The following NCKAP5 variants were observed in gnomAD, a reference collection of about 807,000 sequenced individuals.
NCKAP5 encodes the protein nck-associated protein 5.
In NCKAP5, 92 loss-of-function variants were observed where a neutral mutation model predicts 167.0. The observed-to-expected ratio is 0.55, with a 90% confidence interval of 0.47 to 0.66. The LOEUF is 0.66. Ranked by LOEUF, NCKAP5 falls within the 30% of genes least tolerant of loss-of-function variation. The probability of loss-of-function intolerance (pLI) is 0.00; values close to 1 mark genes in which losing one functional copy is unlikely to be tolerated. For synonymous variants in NCKAP5, 891 were observed against 877.4 expected, an observed-to-expected ratio of 1.02 and a Z score of -0.27; for missense variants, 2,378 against 2,315.0, an observed-to-expected ratio of 1.03 and a Z score of -0.56.
chr2:133,033,281 G>C (rs914292299), intron 6 of NCKAP5, among the ~76,000 whole-genome samples: 2 of 152,242 alleles, frequency 1.3e-5, no homozygotes, highest in African/African-American at 4.8e-5. Flanking sequence ...CTATGAGTCT[G>C]CAAGAACCAC....
At chr2:133,098,567 C>T (rs1477540673) in intron 6 of NCKAP5, among the ~76,000 whole-genome samples, 1 of 151,958 alleles carries the variant, frequency 6.6e-6, no homozygotes. Flanking sequence ...ACAAATATTC[C>T]TTCAAAGATC....
intron 11 of NCKAP5, among the ~76,000 whole-genome samples, chr2:132,843,179 G>A (rs1003033007): frequency 8.5e-5 from 13 of 152,160 alleles, no homozygotes; most frequent in African/African-American, 2.7e-4. Flanking sequence ...CCTTATTGAA[G>A]CAAAGCAGTG....
Position 133,027,471 on chromosome 2 carries a change from C to T in NCKAP5, c.342-33232G>A, listed in dbSNP as rs2196671. Among the ~76,000 whole-genome samples, 747 of 152,228 alleles carry T rather than the reference C, an allele frequency of 4.9e-3. 1 individual carries two copies. Among genetic ancestry groups the T allele is most frequent in the Middle Eastern group, 0.014 (4 of 292 alleles). ...TTCTCCCCAATAATTAGATGAAGCA[C>T]GTGAGACAGGCAGGTCAAGTGACTA... On this transcript the variant is annotated intron_variant, in intron 6 of 19. Transcript: ENST00000409261.
At chr2:132,829,083 AAAC>A (rs907413842) in intron 11 of NCKAP5, among the ~76,000 whole-genome samples, 2 of 152,242 alleles carry the variant, frequency 1.3e-5, no homozygotes, top group African/African-American at 4.8e-5. Flanking sequence ...ACAATAATAA[AAAC>A]AACGACAATG....
At chr2:133,652,324 T>C in the NCKAP5 span, among the ~76,000 whole-genome samples, 1 of 152,330 alleles carries the variant, frequency 6.6e-6, no homozygotes, top group East Asian at 1.9e-4. Context: ...TGTAGTGTGT[T>C]GAGTTAGATA....
At chr2:132,770,709 T>C (rs1268690392) in intron 16 of NCKAP5, among the ~76,000 whole-genome samples, 6 of 152,132 alleles carry the variant, frequency 3.9e-5, no homozygotes, top group Non-Finnish European at 5.9e-5. Context: ...AGAACACATA[T>C]GTTTGTGTGA....
At chr2:133,062,386 T>C (rs1354762262) in intron 6 of NCKAP5, among the ~76,000 whole-genome samples, 3 of 152,232 alleles carry the variant, frequency 2.0e-5, no homozygotes, top group Admixed American at 2.0e-4. Context: ...TTTAAGTGTA[T>C]TATGCAGATT....
At chr2:133,566,661 A>T (rs1688575647) in intron 1 of NCKAP5, among the ~76,000 whole-genome samples, 1 of 152,232 alleles carries the variant, frequency 6.6e-6, no homozygotes, top group Non-Finnish European at 1.5e-5. Flanking sequence ...CACATGCTGG[A>T]ATGAACACAG....
At chr2:132,892,531 T>C (rs1441876193) in intron 8 of NCKAP5, among the ~76,000 whole-genome samples, 1 of 152,162 alleles carries the variant, frequency 6.6e-6, no homozygotes, top group Non-Finnish European at 1.5e-5. Context: ...AGAAATTTCA[T>C]GGAGCTAAAA....
intron 6 of NCKAP5, among the ~76,000 whole-genome samples, chr2:133,065,115 C>T (rs1001467265): frequency 6.6e-6 from 1 of 152,176 alleles, no homozygotes; most frequent in Non-Finnish European, 1.5e-5. Flanking sequence ...CTCCTCTCCT[C>T]TCTAGCCACC....
At chr2:133,443,926 G>C (rs1408254745) in intron 3 of NCKAP5, among the ~76,000 whole-genome samples, 1 of 152,066 alleles carries the variant, frequency 6.6e-6, no homozygotes, top group Non-Finnish European at 1.5e-5. Flanking sequence ...TCCTGCCCAG[G>C]GCAACTGGCT....
intron 11 of NCKAP5, among the ~76,000 whole-genome samples, chr2:132,856,777 C>T (rs1212006259): frequency 1.3e-5 from 2 of 152,078 alleles, no homozygotes; most frequent in Non-Finnish European, 2.9e-5. Context: ...TGACTCAATC[C>T]TAGGTGAGCC....
chr2:132,680,547 T>A (rs1214752907), intron 19 of NCKAP5, among the ~76,000 whole-genome samples: 1 of 151,986 alleles, frequency 6.6e-6, no homozygotes, highest in Non-Finnish European at 1.5e-5. Context: ...AAGCTTAGGG[T>A]TGTTAGAAAA....
At chr2:133,449,524 C>T (rs969402271) in intron 3 of NCKAP5, among the ~76,000 whole-genome samples, 6 of 152,156 alleles carry the variant, frequency 3.9e-5, no homozygotes, top group African/African-American at 7.2e-5. Flanking sequence ...CTCTGAAATT[C>T]GAAATAGTTG....
At chr2:132,937,149 T>A (rs1307493376) in intron 8 of NCKAP5, among the ~76,000 whole-genome samples, 3 of 152,176 alleles carry the variant, frequency 2.0e-5, no homozygotes, top group African/African-American at 4.8e-5. Context: ...AATACGTCAA[T>A]GCCCAGGAAC....
intron 5 of NCKAP5, among the ~76,000 whole-genome samples, chr2:133,173,821 A>G (rs1462282109): frequency 2.0e-5 from 3 of 152,192 alleles, no homozygotes; most frequent in Non-Finnish European, 4.4e-5. Context: ...CCATTTAGTC[A>G]TGGTCTAGCT....
intron 7 of NCKAP5, among the ~76,000 whole-genome samples, chr2:132,979,181 G>A (rs1271881930): frequency 1.3e-5 from 2 of 152,128 alleles, no homozygotes; most frequent in African/African-American, 4.8e-5. Flanking sequence ...TTTTAATAAA[G>A]GAAAATAGGC....
At chr2:133,099,103 A>G (rs144784300) in intron 6 of NCKAP5, among the ~76,000 whole-genome samples, 8 of 152,306 alleles carry the variant, frequency 5.3e-5, no homozygotes, top group Admixed American at 5.2e-4. Context: ...GTTTCTAAGT[A>G]CCGTATTGGG....
chr2:133,632,126 T>C, the NCKAP5 span, among the ~76,000 whole-genome samples: 1 of 152,182 alleles, frequency 6.6e-6, no homozygotes, highest in African/African-American at 2.4e-5. Context: ...GCAGTGGTGA[T>C]GTCAGGAGTG....
Sources: gnomAD v4.1 joint callset for allele counts (sites outside exome capture counted in the v4.1 genomes callset) on GRCh38, gnomAD v4.1.1 for gene constraint, MANE v1.5 for transcripts, NCBI Gene and HGNC (gene_info 2026-07-23, HGNC 2026-07-21) for gene names.